Variants in ATF7IP observed in about 807,000 individuals in gnomAD.
ATF7IP encodes activating transcription factor 7 interacting protein.
In ATF7IP, 23 loss-of-function variants were observed where a neutral mutation model predicts 106.4. The ratio of observed to expected loss-of-function variants is 0.22; its 90% CI spans 0.16 to 0.31. ATF7IP has a LOEUF of 0.31. ATF7IP is among the 10% of genes least tolerant of loss of function. ATF7IP has a pLI of 1.00. For missense variants in ATF7IP, 1,334 were observed against 1,524.3 expected, an observed-to-expected ratio of 0.88 and a Z score of 2.08; for synonymous variants, 542 against 539.0, an observed-to-expected ratio of 1.01 and a Z score of -0.08.
At chr12:14,494,294 T>C (rs1441313612) in intron 13 of ATF7IP, among the ~76,000 whole-genome samples, 1 of 55,944 alleles carries the variant, frequency 1.8e-5, no homozygotes, top group Non-Finnish European at 3.0e-5. Context: ...AATATATATA[T>C]ATATATATAT....
At position 14,396,066 on chromosome 12, in the gene ATF7IP, G is replaced by A. The variant is rs7967870; in HGVS notation, c.-7-27843G>A. 9.3e-3 allele frequency among the ~76,000 whole-genome samples: 1,413 copies of A among 152,240 alleles called. 27 individuals carry two copies. The highest frequency in any genetic ancestry group is 0.033 in the African/African-American group (1,352 of 41,544). On this transcript the variant is annotated intron_variant, in intron 1 of 14. Coordinates refer to ENST00000261168, the MANE Select transcript of ATF7IP (RefSeq NM_018179.5). ...GAAATGCCAATGTATGTGTTCATTC[G>A]TATCAGTATGGCCAGAAATATATTA...
At chr12:14,405,257 T>C (rs1007172725) in intron 1 of ATF7IP, among the ~76,000 whole-genome samples, 4 of 152,008 alleles carry the variant, frequency 2.6e-5, no homozygotes, top group Non-Finnish European at 5.9e-5. Flanking sequence ...GCTGGAAAAT[T>C]TGTGATAAAA....
intron 1 of ATF7IP, among the ~76,000 whole-genome samples, chr12:14,401,748 C>T (rs1215462691): frequency 9.2e-5 from 11 of 119,186 alleles, no homozygotes; most frequent in Non-Finnish European, 1.3e-4. Context: ...TATGGAATCT[C>T]GCTGTGTCGC....
intron 13 of ATF7IP, among the ~76,000 whole-genome samples, chr12:14,484,595 T>A (rs1591960797): frequency 1.3e-5 from 2 of 152,276 alleles, no homozygotes; most frequent in East Asian, 1.9e-4. Context: ...GCTGTGCACT[T>A]TACAGTGGTG....
chr12:14,487,748 G>A (rs1944671399), intron 13 of ATF7IP, among the ~76,000 whole-genome samples: 2 of 152,158 alleles, frequency 1.3e-5, no homozygotes, highest in African/African-American at 4.8e-5. Flanking sequence ...GGCAGTCTTA[G>A]CAGATTTCAG....
At chr12:14,378,104 T>TTC (rs1555107763) in intron 1 of ATF7IP, among the ~76,000 whole-genome samples, 1 of 147,998 alleles carries the variant, frequency 6.8e-6, no homozygotes, top group African/African-American at 2.6e-5. Flanking sequence ...CTTTTTCTTT[T>TTC]TTTTTTTTTT....
At position 14,498,057 on chromosome 12, in the gene ATF7IP, C is replaced by A. The variant is rs2136885236; in HGVS notation, c.3797C>A (p.Ser1266Tyr). The change falls in exon 15 of 15, where the codon TCT becomes TAT. Residue 1266 changes from serine to tyrosine, a missense_variant. This residue lies in a region of ATF7IP where 80 missense variants were observed against 157.0 expected (regional missense o/e 0.51). Coordinates refer to ENST00000261168, the MANE Select transcript of ATF7IP (RefSeq NM_018179.5). ...CDPQSTDVIS[S>Y]TQSS ...CCTCAGTCAACAGATGTGATCTCTTCTACCCAGAGCAGTTAAACCTTGGAG... is the reference window on the plus strand; with the variant it reads ...CCTCAGTCAACAGATGTGATCTCTTATACCCAGAGCAGTTAAACCTTGGAG... 1 of 1,584,600 alleles carries A rather than the reference C, an allele frequency of 6.3e-7. No homozygotes were observed. Among genetic ancestry groups the A allele is most frequent in the East Asian group, 2.3e-5 (1 of 44,242 alleles).
intron 9 of ATF7IP, among the ~76,000 whole-genome samples, chr12:14,465,279 A>G (rs1943786735): frequency 6.6e-6 from 1 of 152,022 alleles, no homozygotes; most frequent in Non-Finnish European, 1.5e-5. Context: ...AAACTTCCTC[A>G]TCTACTTTTT....
intron 1 of ATF7IP, among the ~76,000 whole-genome samples, chr12:14,408,218 C>G (rs1483266959): frequency 1.3e-5 from 2 of 151,788 alleles, no homozygotes; most frequent in African/African-American, 4.8e-5. Context: ...TTAATTGGCA[C>G]CTAATAAGTA....
rs1344664791 is a variant in ATF7IP at position 14,499,759 on chromosome 12, G to A, written c.*1686G>A. On this transcript the variant is annotated 3_prime_UTR_variant, in exon 15 of 15. Coordinates refer to ENST00000261168, the MANE Select transcript of ATF7IP (RefSeq NM_018179.5). ...GAATCGCTTGAACCCGGGAGGCGGA[G>A]GTTGCAGTGAGCTGAGATTGCGCCA... 1.3e-5 allele frequency: 2 copies of A among 152,374 alleles called. No homozygotes were observed. Among genetic ancestry groups the A allele is most frequent in the East Asian group, 3.9e-4 (2 of 5,178 alleles). 9.4% of individuals were successfully genotyped at this position (152,374 alleles called of 1,614,324 possible).
intron 1 of ATF7IP, among the ~76,000 whole-genome samples, chr12:14,411,015 A>C (rs1330442623): frequency 6.6e-6 from 1 of 152,146 alleles, no homozygotes; most frequent in Non-Finnish European, 1.5e-5. Context: ...CATTTTATTT[A>C]TCCATTCATT....
At chr12:14,409,887 C>A (rs554882977) in intron 1 of ATF7IP, among the ~76,000 whole-genome samples, 1 of 152,240 alleles carries the variant, frequency 6.6e-6, no homozygotes, top group South Asian at 2.1e-4. Context: ...AAACACTCAA[C>A]TGAAGTTCTG....
intron 9 of ATF7IP, among the ~76,000 whole-genome samples, chr12:14,464,213 G>A (rs1311204995): frequency 4.0e-5 from 6 of 151,870 alleles, no homozygotes; most frequent in Non-Finnish European, 7.4e-5. Flanking sequence ...CCAGGAGGCC[G>A]AAGCAGGAGG....
intron 9 of ATF7IP, among the ~76,000 whole-genome samples, chr12:14,465,292 G>A (rs566182902): frequency 1.3e-5 from 2 of 152,072 alleles, no homozygotes; most frequent in Admixed American, 1.3e-4. Flanking sequence ...TACTTTTTAT[G>A]TAAAGTTATC....
chr12:14,461,740 C>T (rs563104574), intron 9 of ATF7IP, among the ~76,000 whole-genome samples: 2 of 152,178 alleles, frequency 1.3e-5, no homozygotes, highest in African/African-American at 4.8e-5. Flanking sequence ...TAAAATCTGC[C>T]AAACTCTGTG....
rs575674302 is a variant in ATF7IP at position 14,474,821 on chromosome 12, T to C, written c.2863-1069T>C. On this transcript the variant is annotated intron_variant, in intron 10 of 14. Transcript: ENST00000261168. ...CTAAGTTAGTTCCACTTTTCAAAGC[T>C]GGACCTTAATGATAATATGTTGTAG... Among the ~76,000 whole-genome samples the C allele has an allele frequency of 2.6e-5, 4 of 152,366 alleles. No individual in the cohort carries two copies. The East Asian group carries it at 5.8e-4, about 22-fold the overall frequency.
chr12:14,456,694 T>C, intron 7 of ATF7IP, 60 bp downstream of exon 7: 1 of 1,234,252 alleles, frequency 8.1e-7, no homozygotes, highest in Non-Finnish European at 1.2e-6. Context: ...TTTCTTTATT[T>C]GGTCAAAGAA....
intron 5 of ATF7IP, among the ~76,000 whole-genome samples, chr12:14,442,155 T>C (rs1942743092): frequency 6.6e-6 from 1 of 152,218 alleles, no homozygotes. Context: ...TGATTCCTTC[T>C]TGTTTCTCTT....
chr12:14,481,074 C>T lies in ATF7IP; in HGVS notation c.3169C>T (p.Pro1057Ser), dbSNP rs745504101. Residue 1057 changes from proline to serine, a missense_variant, in exon 13 of 15, where the codon CCT becomes TCT. By Grantham distance (74) the Pro-to-Ser change is moderately conservative (BLOSUM62 -1). Transcript: ENST00000261168. ...VTTRLPVPRA[P>S]ANHQVVYTTL... Reference sequence around the variant, plus strand: ...CACAAGACTCCCTGTACCAAGAGCTCCTGCAAACCACCAGGTGGTTTATAC... The same window carrying T: ...CACAAGACTCCCTGTACCAAGAGCTTCTGCAAACCACCAGGTGGTTTATAC... The T allele has an allele frequency of 6.2e-7, 1 of 1,614,010 alleles. No individual in the cohort carries two copies. Among genetic ancestry groups the T allele is most frequent in the East Asian group, 2.2e-5 (1 of 44,868 alleles).
Sources: allele counts gnomAD v4.1 joint callset (sites outside exome capture counted in the v4.1 genomes callset), GRCh38; gene constraint gnomAD v4.1.1; regional missense constraint gnomAD v4.1.1; transcripts MANE v1.5; gene names NCBI Gene and HGNC (gene_info 2026-07-23, HGNC 2026-07-21).